The following CCDC60 variants were observed in gnomAD, a reference collection of about 807,000 sequenced individuals.
The protein encoded by CCDC60 is coiled-coil domain containing 60, also known as coiled-coil domain-containing protein 60.
A neutral mutation model predicts 63.5 loss-of-function variants in CCDC60; 54 were observed. That is an observed-to-expected ratio of 0.85 (90% confidence interval 0.68 to 1.07). The LOEUF (loss-of-function observed/expected upper bound fraction) is 1.07. CCDC60 is among the 50% of genes least tolerant of loss of function. CCDC60 has a pLI of 0.00. For synonymous variants in CCDC60, 206 were observed against 238.8 expected (o/e 0.86, Z 1.27); for missense variants, 651 against 684.3 (o/e 0.95, Z 0.54).
intron 2 of CCDC60, among the ~76,000 whole-genome samples, chr12:119,448,586 C>T (rs140936942): frequency 2.2e-3 from 333 of 152,206 alleles, no homozygotes; most frequent in African/African-American, 7.5e-3. Context: ...CTTTTGCCCT[C>T]GAAGATATTT....
chr12:119,379,326 C>T (rs1185942380), intron 1 of CCDC60, among the ~76,000 whole-genome samples: 2 of 152,200 alleles, frequency 1.3e-5, no homozygotes, highest in Admixed American at 6.5e-5. Flanking sequence ...TGTTTTGTGG[C>T]CTGGACACCC....
At chr12:119,528,793 G>T in intron 12 of CCDC60, 47 bp downstream of exon 12, 5 of 1,575,030 alleles carry the variant, frequency 3.2e-6, no homozygotes, top group Non-Finnish European at 4.3e-6. Flanking sequence ...AAGAGAACAG[G>T]GTGTTGTTAT....
At chr12:119,339,274 C>T (rs1161619554) in intron 1 of CCDC60, among the ~76,000 whole-genome samples, 1 of 152,148 alleles carries the variant, frequency 6.6e-6, no homozygotes, top group African/African-American at 2.4e-5. Context: ...GAACATCCCC[C>T]TTTATGTTCT....
intron 2 of CCDC60, among the ~76,000 whole-genome samples, chr12:119,439,704 A>G (rs111809970): frequency 6.6e-6 from 1 of 152,174 alleles, no homozygotes; most frequent in Non-Finnish European, 1.5e-5. Context: ...GTAGTCACAG[A>G]TGTTTAAGAA....
chr12:119,407,090 TA>T (rs1956506543), intron 1 of CCDC60, among the ~76,000 whole-genome samples: 1 of 152,024 alleles, frequency 6.6e-6, no homozygotes, highest in Admixed American at 6.5e-5. Flanking sequence ...TCCAGGGCCA[TA>T]GGGGGGTATA....
At chr12:119,443,459 C>T (rs1346083737) in intron 2 of CCDC60, among the ~76,000 whole-genome samples, 1 of 152,178 alleles carries the variant, frequency 6.6e-6, no homozygotes, top group Non-Finnish European at 1.5e-5. Context: ...GTATAGTTCT[C>T]AGGAGTAACA....
chr12:119,522,840 C>G (rs916899136), intron 9 of CCDC60, 99 bp from the exon 10 acceptor site: 34 of 1,038,674 alleles, frequency 3.3e-5, no homozygotes, highest in Non-Finnish European at 5.0e-5. Context: ...CCTCCCATGC[C>G]TGAATCCTGG....
At chr12:119,403,675 G>A (rs967877006) in intron 1 of CCDC60, among the ~76,000 whole-genome samples, 6 of 151,526 alleles carry the variant, frequency 4.0e-5, no homozygotes, top group South Asian at 2.1e-4. Context: ...CCTTTCTACC[G>A]CTCCCTTGTT....
intron 4 of CCDC60, among the ~76,000 whole-genome samples, chr12:119,487,845 A>T (rs1951490599): frequency 6.6e-6 from 1 of 152,044 alleles, no homozygotes. Context: ...GGTGAGACAT[A>T]TGTGGTTTTG....
chr12:119,522,961 G>A lies in CCDC60; in HGVS notation c.1063G>A (p.Ala355Thr), dbSNP rs1158391565. The A allele has an allele frequency of 1.1e-5, 18 of 1,614,170 alleles. No individual in the cohort carries two copies. The highest frequency in any genetic ancestry group is 1.5e-5 in the Non-Finnish European group (18 of 1,180,022). The change falls in exon 10 of 14, where the codon GCA becomes ACA. Residue 355 changes from alanine to threonine, a missense_variant. Transcript: ENST00000327554. Reference protein sequence around the residue: ...KSSERSSSTSAESHIQPVQKK... With the variant: ...KSSERSSSTSTESHIQPVQKK... ...CAGTGAGAGATCCAGCAGTACAAGT[G>A]CAGAAAGCCACATCCAACCAGTCCA...
At chr12:119,349,883 A>T (rs1285156423) in intron 1 of CCDC60, among the ~76,000 whole-genome samples, 1 of 152,208 alleles carries the variant, frequency 6.6e-6, no homozygotes, top group Non-Finnish European at 1.5e-5. Context: ...TCAGTGCAGG[A>T]AGCTCTTCTC....
At chr12:119,490,736 C>G (rs1032509720) in intron 5 of CCDC60, among the ~76,000 whole-genome samples, 2 of 151,902 alleles carry the variant, frequency 1.3e-5, no homozygotes, top group African/African-American at 4.8e-5. Context: ...GCCATCATAC[C>G]TGGCTAATTG....
chr12:119,510,269 C>T (rs1028324712), intron 7 of CCDC60, among the ~76,000 whole-genome samples: 18 of 152,346 alleles, frequency 1.2e-4, no homozygotes, highest in East Asian at 9.7e-4. Flanking sequence ...TCAGCTCTTG[C>T]TAGTTCACAC....
chr12:119,494,547 T>A (rs539434206), intron 5 of CCDC60, among the ~76,000 whole-genome samples: 5 of 152,150 alleles, frequency 3.3e-5, no homozygotes, highest in Non-Finnish European at 5.9e-5. Flanking sequence ...ATTCTTATAA[T>A]CCTGACTCTT....
chr12:119,385,957 G>A (rs977447165), intron 1 of CCDC60, among the ~76,000 whole-genome samples: 2 of 152,212 alleles, frequency 1.3e-5, no homozygotes, highest in Non-Finnish European at 2.9e-5. Flanking sequence ...CCCAGTTTGA[G>A]TGCACCATCT....
chr12:119,510,211 G>T (rs562669912), intron 7 of CCDC60, among the ~76,000 whole-genome samples: 1 of 152,308 alleles, frequency 6.6e-6, no homozygotes, highest in South Asian at 2.1e-4. Context: ...CAATGACTCT[G>T]CCTTTTCTCT....
At chr12:119,337,005 G>A (rs1239307458) in intron 1 of CCDC60, among the ~76,000 whole-genome samples, 1 of 152,182 alleles carries the variant, frequency 6.6e-6, no homozygotes, top group East Asian at 1.9e-4. Context: ...GTGGCTCACA[G>A]TCATGCCCCA....
At chr12:119,374,421 T>G (rs1234003465) in intron 1 of CCDC60, among the ~76,000 whole-genome samples, 1 of 152,100 alleles carries the variant, frequency 6.6e-6, no homozygotes, top group African/African-American at 2.4e-5. Context: ...TCAGAGGTAG[T>G]AAGTATGAAG....
chr12:119,423,726 A>ATCAT (rs1269153706), intron 1 of CCDC60, among the ~76,000 whole-genome samples: 1 of 152,168 alleles, frequency 6.6e-6, no homozygotes, highest in Non-Finnish European at 1.5e-5. Flanking sequence ...AGCTTGCCTC[A>ATCAT]TCATTCCTTA....
Sources: gnomAD v4.1 joint callset for allele counts (sites outside exome capture counted in the v4.1 genomes callset) on GRCh38, gnomAD v4.1.1 for gene constraint, MANE v1.5 for transcripts, NCBI Gene and HGNC (gene_info 2026-07-23, HGNC 2026-07-21) for gene names.